DMD: variants seen among roughly 807,000 people sequenced by gnomAD.
DMD encodes the protein mutant dystrophin.
A neutral mutation model predicts 330.1 loss-of-function variants in DMD; 63 were observed. The observed-to-expected ratio is 0.19, with a 90% CI of 0.16 to 0.24. The LOEUF (loss-of-function observed/expected upper bound fraction) is 0.24. Among genes scored for constraint, DMD ranks in the 10% least tolerant of loss-of-function variants. The pLI is 1.00. For synonymous variants in DMD, 1,223 were observed against 959.8 expected, an observed-to-expected ratio of 1.27 and a Z score of -5.07; for missense variants, 3,344 against 2,684.1, an observed-to-expected ratio of 1.25 and a Z score of -5.43.
intron 2 of DMD, among the ~76,000 whole-genome samples, chrX:32,859,094 A>G (rs992414373): frequency 1.8e-5 from 2 of 111,477 alleles, no homozygotes; most frequent in African/African-American, 3.3e-5. Context: ...TATGCACTCA[A>G]TAAATATAGA....
intron 9 of DMD, among the ~76,000 whole-genome samples, chrX:32,688,969 T>C (rs1025014337): frequency 1.9e-4 from 21 of 111,065 alleles, no homozygotes; most frequent in African/African-American, 6.5e-4. Context: ...TAAGCATCAA[T>C]TTCCTAACCT....
intron 45 of DMD, 38 bp from the exon 46 acceptor site, chrX:31,932,265 A>G (rs940418871): frequency 1.8e-6 from 2 of 1,085,505 alleles, no homozygotes; most frequent in East Asian, 3.0e-5. Context: ...TTTTTTTTCC[A>G]ACATAGTTCT....
chrX:31,663,924 A>G (rs1311154266), intron 53 of DMD, among the ~76,000 whole-genome samples: 1 of 112,011 alleles, frequency 8.9e-6, no homozygotes, highest in Non-Finnish European at 1.9e-5. Context: ...TTCTGCCATC[A>G]TCGTTCCACT....
At chrX:32,436,889 G>C (rs1409847995) in intron 29 of DMD, among the ~76,000 whole-genome samples, 3 of 109,619 alleles carry the variant, frequency 2.7e-5, no homozygotes, top group Non-Finnish European at 5.7e-5. Context: ...GGAGGTCGAG[G>C]CTACAGTGAG....
At chrX:32,990,783 G>C (rs1328642323) in intron 2 of DMD, among the ~76,000 whole-genome samples, 1 of 111,409 alleles carries the variant, frequency 9.0e-6, no homozygotes, top group Non-Finnish European at 1.9e-5. Flanking sequence ...TGCTGCCCCA[G>C]TTTGAAAGCG....
chrX:32,696,997 G>T (rs2063706727), intron 9 of DMD, among the ~76,000 whole-genome samples: 1 of 111,550 alleles, frequency 9.0e-6, no homozygotes, highest in Admixed American at 9.6e-5. Context: ...CTCCAAAAAT[G>T]TACACATTTT....
intron 41 of DMD, among the ~76,000 whole-genome samples, chrX:32,333,035 A>G (rs1350793418): frequency 2.7e-5 from 3 of 111,767 alleles, no homozygotes; most frequent in African/African-American, 9.7e-5. Flanking sequence ...ACCTATGGAA[A>G]CTGAGAAACA....
chrX:31,324,179 T>C lies in DMD; in HGVS notation c.9164-521A>G, dbSNP rs748230266. 9.8e-5 allele frequency among the ~76,000 whole-genome samples: 11 copies of C among 111,821 alleles called. No homozygotes were observed. The South Asian group carries it at 3.0e-3, about 31-fold the overall frequency. On this transcript the variant is annotated intron_variant, in intron 61 of 78. Transcript: ENST00000357033. ...AGAGAATCCAAATTCACTTACCAAA[T>C]AGATGCTTAATTTGGTGCCTCAAAA...
chrX:32,251,593 G>C (rs959273519), intron 43 of DMD, among the ~76,000 whole-genome samples: 1 of 111,454 alleles, frequency 9.0e-6, no homozygotes, highest in African/African-American at 3.3e-5. Context: ...TCAAGGCTTG[G>C]TCTATGCTTT....
intron 9 of DMD, among the ~76,000 whole-genome samples, chrX:32,658,433 A>C (rs2060728876): frequency 9.0e-6 from 1 of 111,447 alleles, no homozygotes; most frequent in East Asian, 2.8e-4. Context: ...CAGCTCTGTC[A>C]CTGCAAATTG....
intron 41 of DMD, among the ~76,000 whole-genome samples, chrX:32,332,373 A>C (rs2097684650): frequency 9.4e-6 from 1 of 106,772 alleles, no homozygotes; most frequent in African/African-American, 3.4e-5. Context: ...CTGGTCATGC[A>C]CTTTATTGAG....
At chrX:33,268,082 T>C (rs1238380510) in intron 1 of DMD, among the ~76,000 whole-genome samples, 1 of 108,400 alleles carries the variant, frequency 9.2e-6, no homozygotes, top group Non-Finnish European at 1.9e-5. Context: ...CTCTGCCTCC[T>C]GGGGTCAAAC....
At chrX:32,537,655 TAAAGG>T in intron 17 of DMD, among the ~76,000 whole-genome samples, 1 of 111,516 alleles carries the variant, frequency 9.0e-6, no homozygotes, top group Middle Eastern at 4.6e-3. Flanking sequence ...TATGAGAGGG[TAAAGG>T]AAAGAATCAG....
Position 31,178,803 on chromosome X carries a change from A to G in DMD, c.10089T>C (p.Thr3363=), listed in dbSNP as rs753017037. Residue 3363 remains threonine, a splice_region_variant and synonymous_variant, in exon 70 of 79, where the codon ACT becomes ACC. Transcript: ENST00000357033. ...AGTCTCGAACATCTTCTCCTGATGT[A>G]GTCTAAAAGGGAGATCATGGTGAGA... is the stretch of plus-strand genomic sequence containing the variant. ...HYPMVEYCTP[T]TSGEDVRDFA... 5.0e-6 allele frequency: 6 copies of G among 1,210,315 alleles called. No homozygotes were observed. The highest frequency in any genetic ancestry group is 6.7e-6 in the Non-Finnish European group (6 of 894,313).
chrX:32,658,468 T>C (rs1349592443), intron 9 of DMD, among the ~76,000 whole-genome samples: 6 of 111,424 alleles, frequency 5.4e-5, no homozygotes, highest in Non-Finnish European at 1.1e-4. Context: ...CTGGAGACAA[T>C]ACATTAAGTG....
At chrX:32,763,482 A>G (rs2148400975) in intron 7 of DMD, among the ~76,000 whole-genome samples, 1 of 112,003 alleles carries the variant, frequency 8.9e-6, no homozygotes, top group African/African-American at 3.2e-5. Flanking sequence ...GTGTATTCAT[A>G]TGTGAGGATG....
intron 52 of DMD, among the ~76,000 whole-genome samples, chrX:31,712,068 T>C (rs2084679293): frequency 9.0e-6 from 1 of 111,554 alleles, no homozygotes; most frequent in Non-Finnish European, 1.9e-5. Context: ...CTAAAATTCA[T>C]AGAAGAGAGG....
intron 55 of DMD, among the ~76,000 whole-genome samples, chrX:31,518,978 C>T (rs2147320167): frequency 9.0e-6 from 1 of 111,635 alleles, no homozygotes; most frequent in African/African-American, 3.2e-5. Flanking sequence ...ATTATAATAA[C>T]TCATTAAGGC....
chrX:32,984,265 C>T (rs2147249394), intron 2 of DMD, among the ~76,000 whole-genome samples: 1 of 112,103 alleles, frequency 8.9e-6, no homozygotes, highest in South Asian at 3.7e-4. Context: ...TATTTATTTA[C>T]TTATTTGAGA....
Sources: gnomAD v4.1 joint callset for allele counts (sites outside exome capture counted in the v4.1 genomes callset) on GRCh38, gnomAD v4.1.1 for gene constraint, MANE v1.5 for transcripts, NCBI Gene and HGNC (gene_info 2026-07-23, HGNC 2026-07-21) for gene names.